SLC9A9: variants seen among roughly 807,000 people sequenced by gnomAD.
SLC9A9 encodes the protein solute carrier family 9 member A9, also known as sodium/hydrogen exchanger 9.
SLC9A9 carries 62 observed loss-of-function variants against 77.8 expected under a neutral mutation model. The ratio of observed to expected loss-of-function variants is 0.80; its 90% CI spans 0.65 to 0.98. The LOEUF (loss-of-function observed/expected upper bound fraction) is 0.98. Ranked by LOEUF, SLC9A9 falls within the 50% of genes least tolerant of loss-of-function variation. The pLI is 0.00. For synonymous variants in SLC9A9, 320 were observed against 283.5 expected (o/e 1.13, Z -1.29); for missense variants, 775 against 774.9 (o/e 1.00, Z 0.00).
chr3:143,826,510 G>T (rs1409715167), intron 2 of SLC9A9, among the ~76,000 whole-genome samples: 2 of 152,054 alleles, frequency 1.3e-5, no homozygotes, highest in East Asian at 3.9e-4. Flanking sequence ...CTGTCTCTTT[G>T]CTTTCACTCT....
At chr3:143,565,964 C>A (rs2037161025) in intron 8 of SLC9A9, among the ~76,000 whole-genome samples, 2 of 152,096 alleles carry the variant, frequency 1.3e-5, no homozygotes, top group South Asian at 4.1e-4. Flanking sequence ...TCCAGTCATG[C>A]AGTGCATCAG....
At chr3:143,669,083 A>G (rs565456017) in intron 5 of SLC9A9, among the ~76,000 whole-genome samples, 1 of 152,212 alleles carries the variant, frequency 6.6e-6, no homozygotes, top group East Asian at 1.9e-4. Flanking sequence ...ACAACTGCTG[A>G]TCCTGCATTT....
chr3:143,406,584 C>T (rs999357311), intron 12 of SLC9A9, among the ~76,000 whole-genome samples: 1 of 152,118 alleles, frequency 6.6e-6, no homozygotes, highest in Non-Finnish European at 1.5e-5. Flanking sequence ...TGGTCTTGAA[C>T]TCCTGACCTC....
chr3:143,333,281 T>C (rs922776527), intron 14 of SLC9A9, among the ~76,000 whole-genome samples: 6 of 126,666 alleles, frequency 4.7e-5, no homozygotes, highest in African/African-American at 1.8e-4. Flanking sequence ...ACTTTAAATA[T>C]CCTTTTAAAA....
At chr3:143,808,010 G>A (rs774161025) in intron 2 of SLC9A9, among the ~76,000 whole-genome samples, 16 of 152,210 alleles carry the variant, frequency 1.1e-4, no homozygotes, top group South Asian at 2.1e-4. Flanking sequence ...GATGGTGGCC[G>A]GGAGTTGGGG....
chr3:143,449,843 A>ATATATATTTATATATATTTTT (rs1559921721), intron 12 of SLC9A9, among the ~76,000 whole-genome samples: 7 of 75,458 alleles, frequency 9.3e-5, no homozygotes, highest in Non-Finnish European at 1.3e-4. Context: ...TATATGTATT[A>ATATATATTTATATATATTTTT]TATATATATA....
At chr3:143,651,954 A>G (rs1348095147) in intron 6 of SLC9A9, among the ~76,000 whole-genome samples, 1 of 146,110 alleles carries the variant, frequency 6.8e-6, no homozygotes, top group Non-Finnish European at 1.5e-5. Context: ...TATTGATTTG[A>G]AATGAAAAAA....
Position 143,691,867 on chromosome 3 carries a change from C to T in SLC9A9, c.649+1325G>A, listed in dbSNP as rs146403814. On this transcript the variant is annotated intron_variant, in intron 5 of 15. Transcript: ENST00000316549. ...CCCATGGTATTCACTTTCATTGCAA[C>T]GAGTAATAAAAGCATCTTGTTCAAC... Among the ~76,000 whole-genome samples, 26 of 152,074 alleles carry T rather than the reference C, an allele frequency of 1.7e-4. No homozygotes were observed. In the East Asian group the frequency reaches 1.9e-3, roughly 11 times the overall value.
At chr3:143,378,388 T>C (rs2108495851) in intron 13 of SLC9A9, among the ~76,000 whole-genome samples, 1 of 152,332 alleles carries the variant, frequency 6.6e-6, no homozygotes, top group African/African-American at 2.4e-5. Flanking sequence ...TTTGTCTCTG[T>C]GTACAATTTC....
intron 12 of SLC9A9, among the ~76,000 whole-genome samples, chr3:143,387,329 C>T (rs1000734200): frequency 3.9e-5 from 6 of 151,920 alleles, no homozygotes; most frequent in African/African-American, 1.2e-4. Flanking sequence ...AGAATAGGTG[C>T]CCATCGTGGA....
intron 12 of SLC9A9, among the ~76,000 whole-genome samples, chr3:143,401,627 T>C (rs577140244): frequency 3.9e-5 from 6 of 152,332 alleles, no homozygotes; most frequent in East Asian, 1.9e-4. Context: ...GTTAGAATTG[T>C]GTCTTTAAAT....
intron 4 of SLC9A9, among the ~76,000 whole-genome samples, chr3:143,724,338 A>T (rs866008349): frequency 1.3e-5 from 2 of 151,916 alleles, no homozygotes; most frequent in South Asian, 4.2e-4. Context: ...GTTTCCTGAG[A>T]CCTCTCAGTC....
chr3:143,525,058 G>A (rs1252535993), intron 9 of SLC9A9, among the ~76,000 whole-genome samples: 1 of 152,082 alleles, frequency 6.6e-6, no homozygotes, highest in East Asian at 1.9e-4. Context: ...ATGAAAAATA[G>A]ACTAAGACAA....
chr3:143,431,149 C>T (rs775553238), intron 12 of SLC9A9, among the ~76,000 whole-genome samples: 2 of 152,042 alleles, frequency 1.3e-5, no homozygotes, highest in Non-Finnish European at 2.9e-5. Context: ...TCTGGTGCCC[C>T]TAAATCTTTC....
intron 6 of SLC9A9, among the ~76,000 whole-genome samples, chr3:143,592,289 G>A (rs1227802502): frequency 6.6e-6 from 1 of 152,214 alleles, no homozygotes; most frequent in Non-Finnish European, 1.5e-5. Flanking sequence ...CACTTTGCAG[G>A]GTGGAAGTGG....
intron 13 of SLC9A9, among the ~76,000 whole-genome samples, chr3:143,378,740 T>A (rs2108496085): frequency 6.6e-6 from 1 of 152,320 alleles, no homozygotes; most frequent in Non-Finnish European, 1.5e-5. Flanking sequence ...TTTTCACATT[T>A]AAGAGGCATA....
At chr3:143,676,842 G>A (rs530418727) in intron 5 of SLC9A9, among the ~76,000 whole-genome samples, 1 of 152,318 alleles carries the variant, frequency 6.6e-6, no homozygotes, top group African/African-American at 2.4e-5. Flanking sequence ...TTAAGAATGT[G>A]AAAGATCCTA....
intron 9 of SLC9A9, among the ~76,000 whole-genome samples, chr3:143,529,192 C>T (rs1465461619): frequency 1.3e-5 from 2 of 152,080 alleles, no homozygotes; most frequent in Non-Finnish European, 2.9e-5. Context: ...TGGGAAATGC[C>T]CCTCTGGGAG....
intron 4 of SLC9A9, among the ~76,000 whole-genome samples, chr3:143,762,713 C>T (rs1355987392): frequency 2.6e-5 from 4 of 152,150 alleles, no homozygotes; most frequent in South Asian, 4.1e-4. Flanking sequence ...TCTCCACCCT[C>T]CTCAATTTTC....
Sources: gnomAD v4.1 joint callset for allele counts (sites outside exome capture counted in the v4.1 genomes callset) on GRCh38, gnomAD v4.1.1 for gene constraint, MANE v1.5 for transcripts, NCBI Gene and HGNC (gene_info 2026-07-23, HGNC 2026-07-21) for gene names.